Variants in NAALADL2 observed in about 807,000 individuals in gnomAD.
The protein encoded by NAALADL2 is inactive N-acetylated-alpha-linked acidic dipeptidase-like protein 2.
Under a neutral mutation model 87.2 loss-of-function variants are expected in NAALADL2, and 76 were observed. The observed-to-expected ratio is 0.87, with a 90% CI of 0.72 to 1.05. The LOEUF (loss-of-function observed/expected upper bound fraction) is 1.05. Among genes scored for constraint, NAALADL2 ranks in the 50% least tolerant of loss-of-function variants. The probability of loss-of-function intolerance (pLI) is 0.00; values close to 1 mark genes in which losing one functional copy is unlikely to be tolerated. For missense variants in NAALADL2, 1,089 were observed against 945.8 expected (o/e 1.15, Z -1.99); for synonymous variants, 354 against 331.0 (o/e 1.07, Z -0.75).
At chr3:174,613,789 G>T (rs906623277) in intron 2 of NAALADL2, among the ~76,000 whole-genome samples, 1 of 152,146 alleles carries the variant, frequency 6.6e-6, no homozygotes, top group Non-Finnish European at 1.5e-5. Context: ...TTGCAAACTG[G>T]TACTTAAGGT....
At chr3:174,810,114 A>G (rs1317398795) in intron 3 of NAALADL2, among the ~76,000 whole-genome samples, 1 of 152,150 alleles carries the variant, frequency 6.6e-6, no homozygotes, top group African/African-American at 2.4e-5. Flanking sequence ...TTTCTTTATA[A>G]ATGATCCATT....
chr3:175,174,516 G>A (rs1735391511), intron 2 of NAALADL2, among the ~76,000 whole-genome samples: 2 of 151,764 alleles, frequency 1.3e-5, no homozygotes, highest in South Asian at 4.2e-4. Context: ...ATTATATTCT[G>A]ATAAAAGAAA....
intron 2 of NAALADL2, among the ~76,000 whole-genome samples, chr3:174,712,231 A>G (rs903465268): frequency 2.0e-5 from 3 of 152,106 alleles, no homozygotes; most frequent in Admixed American, 1.3e-4. Flanking sequence ...ATTTGTCTGA[A>G]TGGTATCTTG....
intron 2 of NAALADL2, among the ~76,000 whole-genome samples, chr3:175,189,788 G>T (rs1420732476): frequency 6.6e-6 from 1 of 152,100 alleles, no homozygotes; most frequent in African/African-American, 2.4e-5. Flanking sequence ...AACAGCATTT[G>T]GGACATTACA....
At chr3:174,984,399 C>T (rs1157589650) in intron 1 of NAALADL2, among the ~76,000 whole-genome samples, 5 of 151,834 alleles carry the variant, frequency 3.3e-5, no homozygotes, top group Non-Finnish European at 7.4e-5. Flanking sequence ...TGGACTGATT[C>T]ATGAATGTAG....
At chr3:175,745,833 A>G (rs1313508691) in intron 12 of NAALADL2, among the ~76,000 whole-genome samples, 1 of 152,156 alleles carries the variant, frequency 6.6e-6, no homozygotes, top group Non-Finnish European at 1.5e-5. Flanking sequence ...CACCTTACCC[A>G]CTTCTTAATG....
chr3:174,733,128 T>C (rs1732858830), intron 2 of NAALADL2, among the ~76,000 whole-genome samples: 1 of 152,180 alleles, frequency 6.6e-6, no homozygotes, highest in South Asian at 2.1e-4. Context: ...TTATGAAATA[T>C]CAAGTGGGAG....
chr3:174,898,803 T>A (rs376060739), intron 1 of NAALADL2, among the ~76,000 whole-genome samples: 2 of 152,144 alleles, frequency 1.3e-5, no homozygotes, highest in East Asian at 3.9e-4. Context: ...AAATCCTGGA[T>A]GGTAAAATTC....
intron 4 of NAALADL2, 147 bp from the exon 5 acceptor site, chr3:175,324,028 C>CAAAAAAAA (rs372517580): frequency 3.2e-4 from 139 of 436,158 alleles, no homozygotes; most frequent in African/African-American, 2.2e-3. Flanking sequence ...AAAAAACAAA[C>CAAAAAAAA]AAAAAAAAAA....
chr3:175,067,010 C>T (rs1232939486), intron 1 of NAALADL2, among the ~76,000 whole-genome samples: 1 of 152,142 alleles, frequency 6.6e-6, no homozygotes, highest in African/African-American at 2.4e-5. Context: ...GCACTCAATA[C>T]TGAATCCTCA....
chr3:175,314,958 C>T (rs974190057), intron 4 of NAALADL2, among the ~76,000 whole-genome samples: 11 of 151,932 alleles, frequency 7.2e-5, no homozygotes, highest in Non-Finnish European at 1.6e-4. Flanking sequence ...TATAAGGTTC[C>T]TGCTTCAAGC....
intron 3 of NAALADL2, among the ~76,000 whole-genome samples, chr3:174,792,786 C>A (rs1203869128): frequency 6.6e-6 from 1 of 152,108 alleles, no homozygotes; most frequent in Non-Finnish European, 1.5e-5. Flanking sequence ...GAATACGATG[C>A]TATTCAAGTC....
In NAALADL2 at chr3:174,524,371, G is replaced by A. The variant is rs139872996; in HGVS notation, c.-183-26198G>A. Among the ~76,000 whole-genome samples, 45 of 152,214 alleles carry A rather than the reference G, an allele frequency of 3.0e-4. No homozygotes were observed. The East Asian group carries it at 7.9e-3, about 27-fold the overall frequency. ...AGCAGATGAGAGTGGGGTGGCGGGT[G>A]GATGTTCAGCCTGTCCTAGTCCTGT... On this transcript the variant is annotated intron_variant, in intron 1 of 3. Coordinates refer to the NAALADL2 transcript ENST00000434257.
intron 10 of NAALADL2, among the ~76,000 whole-genome samples, chr3:175,586,853 T>C (rs1720609051): frequency 6.6e-6 from 1 of 152,196 alleles, no homozygotes; most frequent in Non-Finnish European, 1.5e-5. Flanking sequence ...GGACCTATGC[T>C]TAGAAATAAT....
At chr3:175,458,031 A>G (rs905597595) in intron 6 of NAALADL2, among the ~76,000 whole-genome samples, 3 of 152,056 alleles carry the variant, frequency 2.0e-5, no homozygotes, top group Non-Finnish European at 2.9e-5. Context: ...AGTAATAGCA[A>G]CTTCAGCTGG....
chr3:175,434,930 T>A (rs1023428807), intron 5 of NAALADL2, among the ~76,000 whole-genome samples: 5 of 152,086 alleles, frequency 3.3e-5, no homozygotes, highest in African/African-American at 1.2e-4. Context: ...TGATATAGTT[T>A]ATGGTTGTTT....
intron 3 of NAALADL2, among the ~76,000 whole-genome samples, chr3:174,828,039 A>G (rs1714669941): frequency 6.6e-6 from 1 of 152,088 alleles, no homozygotes; most frequent in African/African-American, 2.4e-5. Flanking sequence ...AAAATTAGCC[A>G]GGCATGGTGG....
At chr3:175,133,625 G>A (rs1335608089) in intron 2 of NAALADL2, among the ~76,000 whole-genome samples, 2 of 152,190 alleles carry the variant, frequency 1.3e-5, no homozygotes, top group African/African-American at 4.8e-5. Context: ...GGCAGGCTGA[G>A]GCAGGCGAAT....
chr3:174,848,963 GGCA>G (rs1389483892), intron 3 of NAALADL2, among the ~76,000 whole-genome samples: 3 of 152,114 alleles, frequency 2.0e-5, no homozygotes, highest in Non-Finnish European at 4.4e-5. Context: ...GAATATTGCA[GGCA>G]ATTGGAACAC....
Sources: gnomAD v4.1 joint callset for allele counts (sites outside exome capture counted in the v4.1 genomes callset) on GRCh38, gnomAD v4.1.1 for gene constraint, MANE v1.5 for transcripts, NCBI Gene and HGNC (gene_info 2026-07-23, HGNC 2026-07-21) for gene names.